Variants in RAD23B observed in about 807,000 individuals in gnomAD.
RAD23B encodes RAD23 nucleotide excision repair protein B, also known as lysine-specific demethylase RAD23B.
Under a neutral mutation model 49.1 loss-of-function variants are expected in RAD23B, and 5 were observed. The ratio of observed to expected loss-of-function variants is 0.10; its 90% CI spans 0.05 to 0.21. The LOEUF is 0.21. Among genes scored for constraint, RAD23B ranks in the 10% least tolerant of loss-of-function variants. RAD23B has a pLI of 1.00. For missense variants in RAD23B, 356 were observed against 486.7 expected, an observed-to-expected ratio of 0.73 and a Z score of 2.53; for synonymous variants, 184 against 165.4, an observed-to-expected ratio of 1.11 and a Z score of -0.86.
chr9:107,284,605 T>G, intron 1 of RAD23B: 2 of 417,658 alleles, frequency 4.8e-6, no homozygotes, highest in South Asian at 6.0e-5. Flanking sequence ...GAGACACTGT[T>G]GAGGTCAGTA....
At chr9:107,310,765 G>A (rs1311333826) in intron 4 of RAD23B, among the ~76,000 whole-genome samples, 1 of 152,184 alleles carries the variant, frequency 6.6e-6, no homozygotes, top group Non-Finnish European at 1.5e-5. Flanking sequence ...CACTGTACTA[G>A]TGTAGCCCTA....
intron 1 of RAD23B, 152 bp downstream of exon 1, chr9:107,283,847 C>T: frequency 1.1e-6 from 1 of 921,150 alleles, no homozygotes; most frequent in Non-Finnish European, 1.4e-6. Context: ...CGGCGTACAG[C>T]GGAGCCGATC....
In RAD23B at chr9:107,306,523, T is replaced by C. The variant is rs755623960; in HGVS notation, c.373T>C (p.Ser125Pro). 11 of 1,613,932 alleles carry C rather than the reference T, an allele frequency of 6.8e-6. No individual in the cohort carries two copies. The Admixed American group carries it at 1.7e-4, about 24-fold the overall frequency. ...PALAPTSTPASITPASATASS... is the reference protein window; with the variant it reads ...PALAPTSTPAPITPASATASS... ...CTTGGCCCCCACTTCCACACCTGCA[T>C]CCATCACTCCAGCATCAGCGACAGC... The change falls in exon 4 of 10, where the codon TCC becomes CCC. Residue 125 changes from serine (S) to proline (P), a missense_variant. Physicochemically the swap from Ser to Pro is moderately conservative, Grantham distance 74 (BLOSUM62 -1). Transcript: ENST00000358015.
chr9:107,298,258 T>TGAA, intron 1 of RAD23B, among the ~76,000 whole-genome samples: 1 of 152,306 alleles, frequency 6.6e-6, no homozygotes, highest in South Asian at 2.1e-4. Context: ...TTGTTTACAT[T>TGAA]TAAATAAGTT....
chr9:107,305,815 G>T (rs1163508957), intron 3 of RAD23B, among the ~76,000 whole-genome samples: 1 of 151,730 alleles, frequency 6.6e-6, no homozygotes, highest in Non-Finnish European at 1.5e-5. Context: ...GCCATTTCAA[G>T]AACATTATTT....
chr9:107,297,068 G>C (rs1166499233), intron 1 of RAD23B, among the ~76,000 whole-genome samples: 1 of 151,832 alleles, frequency 6.6e-6, no homozygotes, highest in Non-Finnish European at 1.5e-5. Context: ...TGGCCAGGAT[G>C]ATCGTGATCT....
At chr9:107,308,704 TAC>T (rs2133082218) in intron 4 of RAD23B, among the ~76,000 whole-genome samples, 1 of 152,356 alleles carries the variant, frequency 6.6e-6, no homozygotes, top group South Asian at 2.1e-4. Flanking sequence ...ACCAACTGCT[TAC>T]TCTTATTTCT....
chr9:107,327,592 T>C (rs1564254132), intron 9 of RAD23B, among the ~76,000 whole-genome samples: 1 of 152,240 alleles, frequency 6.6e-6, no homozygotes, highest in Non-Finnish European at 1.5e-5. Flanking sequence ...CTCCTTTCGA[T>C]TTCTAAATTC....
chr9:107,311,748 G>C lies in RAD23B; in HGVS notation c.553+11G>C, dbSNP rs1299993112. 5 of 1,558,494 alleles carry C rather than the reference G, an allele frequency of 3.2e-6. No individual in the cohort carries two copies. The highest frequency in any genetic ancestry group is 4.3e-6 in the Non-Finnish European group (5 of 1,158,934). ...CAACGAGTGCACTTGGTAAGTATCT[G>C]CTTTTCCTTATAAATAACCTATAAA... On this transcript the variant is annotated intron_variant, in intron 5 of 9. Coordinates refer to ENST00000358015, the MANE Select transcript of RAD23B (RefSeq NM_002874.5).
chr9:107,317,277 G>T (rs963732619), intron 5 of RAD23B, among the ~76,000 whole-genome samples: 2 of 152,094 alleles, frequency 1.3e-5, no homozygotes, highest in African/African-American at 4.8e-5. Flanking sequence ...TTTAGAGATA[G>T]GACCTACCAG....
rs1185564272 is a variant in RAD23B at position 107,330,754 on chromosome 9, AC to A, written c.*1099del. On this transcript the variant is annotated 3_prime_UTR_variant, in exon 10 of 10. Coordinates refer to ENST00000358015, the MANE Select transcript of RAD23B (RefSeq NM_002874.5). The surrounding 1 kb of genome is among the most constrained non-coding windows in gnomAD (Gnocchi z 4.4). Reference sequence around the variant, plus strand: ...CTTTCAAAAAGAAATGGTAGACAAAACTATAATCCAGCATCTTTTATTGCAT... The same window carrying A: ...CTTTCAAAAAGAAATGGTAGACAAAATATAATCCAGCATCTTTTATTGCAT... The A allele has an allele frequency of 1.3e-5, 2 of 152,680 alleles. No homozygotes were observed. The highest frequency in any genetic ancestry group is 4.8e-5 in the African/African-American group (2 of 41,466). 9.5% of individuals were successfully genotyped at this position (152,680 alleles called of 1,614,324 possible). A position where few individuals can be genotyped will look rare whatever the true frequency, so the allele number is the denominator to read the frequency against.
At chr9:107,323,120 T>C (rs559969303) in intron 7 of RAD23B, among the ~76,000 whole-genome samples, 1 of 152,364 alleles carries the variant, frequency 6.6e-6, no homozygotes, top group African/African-American at 2.4e-5. Flanking sequence ...GTATGTACGA[T>C]TTTTGGTTTC....
intron 1 of RAD23B, among the ~76,000 whole-genome samples, chr9:107,294,978 G>A (rs910507487): frequency 1.3e-5 from 2 of 151,740 alleles, no homozygotes; most frequent in African/African-American, 4.8e-5. Flanking sequence ...ACTGTCACAC[G>A]TGACAAGAGG....
intron 8 of RAD23B, 103 bp from the exon 9 acceptor site, chr9:107,324,731 G>T: frequency 8.4e-7 from 1 of 1,185,814 alleles, no homozygotes; most frequent in South Asian, 1.8e-5. Flanking sequence ...AATTACGTTT[G>T]CAAAAGTGTA....
At position 107,295,964 on chromosome 9, in the gene RAD23B, G is replaced by C. The variant is rs560283552; in HGVS notation, c.67-4177G>C. ...TAGTGAAGATTGAAATGAAAGTAGAGACTCTAGGGACCAAGTCTTAAGGAG... is the reference window on the plus strand; with the variant it reads ...TAGTGAAGATTGAAATGAAAGTAGACACTCTAGGGACCAAGTCTTAAGGAG... On this transcript the variant is annotated intron_variant, in intron 1 of 9. Transcript: ENST00000358015. 2.6e-5 allele frequency among the ~76,000 whole-genome samples: 4 copies of C among 152,294 alleles called. No individual in the cohort carries two copies. The East Asian group carries it at 7.7e-4, about 29-fold the overall frequency.
chr9:107,290,203 C>T lies in RAD23B; in HGVS notation c.66+6508C>T, dbSNP rs144834579. Among the ~76,000 whole-genome samples, 539 of 152,290 alleles carry T rather than the reference C, an allele frequency of 3.5e-3. 4 individuals carry two copies. The highest frequency in any genetic ancestry group is 0.012 in the African/African-American group (513 of 41,550). On this transcript the variant is annotated intron_variant, in intron 1 of 9. Transcript: ENST00000358015. ...ACAAGGTCCTACCGTAGCTACCTAC[C>T]TGCTAGCCTCTTCTTACTGTAGATA...
At chr9:107,299,058 TCTC>T (rs892471199) in intron 1 of RAD23B, among the ~76,000 whole-genome samples, 1 of 152,178 alleles carries the variant, frequency 6.6e-6, no homozygotes, top group African/African-American at 2.4e-5. Flanking sequence ...TTTATTTCCG[TCTC>T]CTCATCTATA....
chr9:107,321,843 T>A, intron 6 of RAD23B, 140 bp from the exon 7 acceptor site: 1 of 995,938 alleles, frequency 1.0e-6, no homozygotes. Context: ...TTAATAATCC[T>A]TTACTTTTAA....
chr9:107,302,487 A>T (rs1287150648), intron 3 of RAD23B, among the ~76,000 whole-genome samples: 1 of 152,144 alleles, frequency 6.6e-6, no homozygotes, highest in Non-Finnish European at 1.5e-5. Flanking sequence ...TAGACCTGCT[A>T]AATTACGTAC....
Sources: gnomAD v4.1 joint callset for allele counts (sites outside exome capture counted in the v4.1 genomes callset) on GRCh38, gnomAD v4.1.1 for gene constraint, Gnocchi (gnomAD v3.1) non-coding constraint, MANE v1.5 for transcripts, NCBI Gene and HGNC (gene_info 2026-07-23, HGNC 2026-07-21) for gene names.